APBB2: variants seen among roughly 807,000 people sequenced by gnomAD.
The protein encoded by APBB2 is Fe65-like 1.
APBB2 carries 38 observed loss-of-function variants against 82.5 expected under a neutral mutation model. The observed-to-expected ratio is 0.46, with a 90% CI of 0.36 to 0.60. The LOEUF (loss-of-function observed/expected upper bound fraction) is 0.60, where lower values mean the gene tolerates loss of function less well. APBB2 is among the 20% of genes least tolerant of loss of function. The pLI, the probability that APBB2 is intolerant of heterozygous loss-of-function variation, is 0.00. For missense variants in APBB2, 772 were observed against 972.3 expected (o/e 0.79, Z 2.74); for synonymous variants, 341 against 368.2 (o/e 0.93, Z 0.85).
intron 1 of APBB2, among the ~76,000 whole-genome samples, chr4:41,181,238 G>C (rs1771246312): frequency 6.6e-6 from 1 of 152,130 alleles, no homozygotes; most frequent in Non-Finnish European, 1.5e-5. Flanking sequence ...GGGGAGTTGG[G>C]GAAGTTGCCA....
At position 40,935,133 on chromosome 4, in the gene APBB2, G is replaced by A; in HGVS notation, c.1051C>T (p.Pro351Ser). ...PSPTPENEKQPWSDFAVLNGG... is the reference protein window; with the variant it reads ...PSPTPENEKQSWSDFAVLNGG... Reference sequence around the variant, plus strand: ...TTCAGAACAGCAAAATCACTCCATGGCTGTTTCTAGACATATAATTATTCA... The same window carrying A: ...TTCAGAACAGCAAAATCACTCCATGACTGTTTCTAGACATATAATTATTCA... The change falls in exon 8 of 18, where the codon CCA becomes TCA. Residue 351 changes from proline to serine, a missense_variant. Transcript: ENST00000508593. The A allele has an allele frequency of 6.5e-7, 1 of 1,531,300 alleles. No homozygotes were observed. The highest frequency in any genetic ancestry group is 8.8e-7 in the Non-Finnish European group (1 of 1,142,514). 94.9% of individuals were successfully genotyped at this position (1,531,300 alleles called of 1,614,324 possible).
chr4:41,128,359 G>A (rs1755010254), intron 2 of APBB2, among the ~76,000 whole-genome samples: 1 of 152,156 alleles, frequency 6.6e-6, no homozygotes, highest in Non-Finnish European at 1.5e-5. Flanking sequence ...GCAGTTTGGA[G>A]ACTTCTCAAA....
chr4:40,981,785 C>G (rs2154403447), intron 6 of APBB2, among the ~76,000 whole-genome samples: 1 of 152,252 alleles, frequency 6.6e-6, no homozygotes, highest in East Asian at 1.9e-4. Flanking sequence ...GCAGAACAAG[C>G]AGTAAAGTGG....
chr4:40,968,159 T>A (rs112141698), intron 6 of APBB2, among the ~76,000 whole-genome samples: 2 of 152,288 alleles, frequency 1.3e-5, no homozygotes, highest in African/African-American at 4.8e-5. Context: ...CTCCCCATTT[T>A]ACAGCAGAAA....
chr4:41,138,589 G>A (rs911405180), intron 2 of APBB2, among the ~76,000 whole-genome samples: 1 of 152,162 alleles, frequency 6.6e-6, no homozygotes, highest in Admixed American at 6.5e-5. Context: ...TGACTAAGAA[G>A]CTCAATGACT....
In APBB2 at chr4:40,818,985, G is replaced by A. The variant is rs1470016913; in HGVS notation, c.2113-2726C>T. ...TCATCTCAGCCTCCTGAGTAGCTGG[G>A]ACTACAGGTGCAAACTTTCCCTTCA... On this transcript the variant is annotated intron_variant, in intron 17 of 17. Transcript: ENST00000508593. Among the ~76,000 whole-genome samples the A allele has an allele frequency of 2.6e-5, 4 of 152,142 alleles. No individual in the cohort carries two copies. The East Asian group carries it at 7.7e-4, about 29-fold the overall frequency.
At chr4:41,124,079 G>T (rs760393125) in intron 2 of APBB2, among the ~76,000 whole-genome samples, 1 of 152,122 alleles carries the variant, frequency 6.6e-6, no homozygotes, top group Non-Finnish European at 1.5e-5. Flanking sequence ...ATACAGTGCG[G>T]AATATCCTCA....
intron 12 of APBB2, chr4:40,881,192 T>G (rs1768385359): frequency 1.0e-6 from 1 of 985,214 alleles, no homozygotes; most frequent in Admixed American, 6.2e-5. Context: ...AAAGAGAAAT[T>G]AACTCCAGAG....
At chr4:40,867,308 T>C (rs1409566754) in intron 12 of APBB2, among the ~76,000 whole-genome samples, 1 of 152,264 alleles carries the variant, frequency 6.6e-6, no homozygotes, top group Non-Finnish European at 1.5e-5. Context: ...ATGAGTATAC[T>C]ATTTGTTAGC....
chr4:41,036,213 C>T lies in APBB2; in HGVS notation c.-50-2909G>A, dbSNP rs147021211. Among the ~76,000 whole-genome samples, 1,050 of 152,192 alleles carry T rather than the reference C, an allele frequency of 6.9e-3. 7 individuals are homozygous for T. The highest frequency in any genetic ancestry group is 0.011 in the Non-Finnish European group (779 of 67,978). On this transcript the variant is annotated intron_variant, in intron 4 of 17. Transcript: ENST00000508593. Reference sequence around the variant, plus strand: ...AGGAGGATGTTGCATAGATTCTATGCAAATACTACACCACTTTATTTAAGG... The same window carrying T: ...AGGAGGATGTTGCATAGATTCTATGTAAATACTACACCACTTTATTTAAGG...
chr4:40,838,135 G>GCAT (rs921602416), intron 12 of APBB2, among the ~76,000 whole-genome samples: 7 of 129,296 alleles, frequency 5.4e-5, no homozygotes, highest in African/African-American at 8.9e-5. Context: ...ATTCAAGTGG[G>GCAT]CATTATTATT....
intron 3 of APBB2, among the ~76,000 whole-genome samples, chr4:41,095,465 G>A (rs1244765084): frequency 6.6e-6 from 1 of 152,218 alleles, no homozygotes; most frequent in African/African-American, 2.4e-5. Context: ...TCAGAGGACA[G>A]GGAACGAGCC....
intron 2 of APBB2, among the ~76,000 whole-genome samples, chr4:41,116,619 G>A (rs983091331): frequency 1.3e-5 from 2 of 152,106 alleles, no homozygotes; most frequent in South Asian, 2.1e-4. Context: ...CGACAAGAGC[G>A]AAACTCTGTC....
intron 11 of APBB2, chr4:40,892,463 T>C (rs1032240952): frequency 4.6e-5 from 7 of 152,208 alleles, no homozygotes; most frequent in East Asian, 1.9e-4. Flanking sequence ...CTACTTCCCA[T>C]TGGGATGTGC....
chr4:40,867,051 C>T (rs543726727), intron 12 of APBB2, among the ~76,000 whole-genome samples: 4 of 152,318 alleles, frequency 2.6e-5, no homozygotes, highest in East Asian at 1.9e-4. Flanking sequence ...CCACCATGCA[C>T]GGCCGACAGT....
At chr4:41,066,614 C>T (rs145925778) in intron 3 of APBB2, among the ~76,000 whole-genome samples, 1 of 152,168 alleles carries the variant, frequency 6.6e-6, no homozygotes, top group East Asian at 1.9e-4. Flanking sequence ...GGATGCCTAG[C>T]ATGTCCTAAG....
At chr4:40,829,282 A>G (rs1403306844) in intron 13 of APBB2, among the ~76,000 whole-genome samples, 2 of 152,142 alleles carry the variant, frequency 1.3e-5, no homozygotes, top group East Asian at 3.9e-4. Context: ...TACTGTGTTC[A>G]TCTGGGGGAT....
Position 40,812,095 on chromosome 4 carries a change from G to A in APBB2, c.*3997C>T, listed in dbSNP as rs1744534754. The A allele has an allele frequency of 6.6e-6, 1 of 152,186 alleles. No homozygotes were observed. The highest frequency in any genetic ancestry group is 6.5e-5 in the Admixed American group (1 of 15,288). The allele number at this position is 152,186 out of a possible 1,614,324, so 9.4% of individuals were successfully genotyped here. A position where few individuals can be genotyped will look rare whatever the true frequency, so the allele number is the denominator to read the frequency against. On this transcript the variant is annotated 3_prime_UTR_variant, in exon 18 of 18. Transcript: ENST00000508593. ...GCTGGCCTTCCTGATCACCAAATAA[G>A]TACAGGGTGATTACTCAAAATTTGA...
At chr4:41,032,847 C>T (rs1174472356) in intron 5 of APBB2, among the ~76,000 whole-genome samples, 7 of 122,120 alleles carry the variant, frequency 5.7e-5, no homozygotes, top group East Asian at 2.9e-4. Context: ...TGCAGTGGCG[C>T]GATCTCGACT....
Sources: allele counts gnomAD v4.1 joint callset (sites outside exome capture counted in the v4.1 genomes callset), GRCh38; gene constraint gnomAD v4.1.1; transcripts MANE v1.5; gene names NCBI Gene and HGNC (gene_info 2026-07-23, HGNC 2026-07-21).